RUBCNL: variants seen among roughly 807,000 people sequenced by gnomAD.
The protein encoded by RUBCNL is rubicon like autophagy enhancer, also known as protein associated with UVRAG as autophagy enhancer.
Under a neutral mutation model 69.5 loss-of-function variants are expected in RUBCNL, and 62 were observed. The ratio of observed to expected loss-of-function variants is 0.89; its 90% confidence interval spans 0.73 to 1.10. RUBCNL has a LOEUF of 1.10. Ranked by LOEUF, RUBCNL falls within the 50% of genes least tolerant of loss-of-function variation. RUBCNL has a pLI of 0.00. For missense variants in RUBCNL, 768 were observed against 798.1 expected, an observed-to-expected ratio of 0.96 and a Z score of 0.45; for synonymous variants, 291 against 303.6, an observed-to-expected ratio of 0.96 and a Z score of 0.43.
chr13:46,372,698 T>A, intron 2 of RUBCNL, 101 bp from the exon 3 acceptor site: 1 of 1,075,734 alleles, frequency 9.3e-7, no homozygotes, highest in Non-Finnish European at 1.3e-6. Context: ...TAGAAGTCTG[T>A]ACTTGGCTCT....
In RUBCNL at chr13:46,335,920, C is replaced by G. The variant is rs912763593; in HGVS notation, c.*7465G>C. Among the ~76,000 whole-genome samples, 1 of 152,152 alleles carries G rather than the reference C, an allele frequency of 6.6e-6. No individual in the cohort carries two copies. On this transcript the variant is annotated 3_prime_UTR_variant, in exon 15 of 15. Coordinates refer to ENST00000429979, the MANE Select transcript of RUBCNL (RefSeq NM_025113.5). ...CTGAAGCTACAAATTTAGAGTCATT[C>G]AAAGCTATTTCACTGGATAAGACCA...
chr13:46,352,019 G>T (rs184575982), intron 10 of RUBCNL, among the ~76,000 whole-genome samples: 1 of 151,756 alleles, frequency 6.6e-6, no homozygotes, highest in Non-Finnish European at 1.5e-5. Flanking sequence ...GTAGAGATGG[G>T]GTTTCACTAT....
In RUBCNL at chr13:46,337,900, C is replaced by T. The variant is rs1260750175; in HGVS notation, c.*5485G>A. Among the ~76,000 whole-genome samples, 2 of 152,206 alleles carry T rather than the reference C, an allele frequency of 1.3e-5. No individual in the cohort carries two copies. The highest frequency in any genetic ancestry group is 2.9e-5 in the Non-Finnish European group (2 of 68,036). Reference sequence around the variant, plus strand: ...TAGGGCCCTCAGGAATGTGGACCTTCAGGGGCTGCAGGAGCAAAGGGAGAA... The same window carrying T: ...TAGGGCCCTCAGGAATGTGGACCTTTAGGGGCTGCAGGAGCAAAGGGAGAA... On this transcript the variant is annotated 3_prime_UTR_variant, in exon 15 of 15. Coordinates refer to ENST00000429979, the MANE Select transcript of RUBCNL (RefSeq NM_025113.5).
intron 2 of RUBCNL, among the ~76,000 whole-genome samples, chr13:46,377,637 A>G (rs939600556): frequency 2.0e-5 from 3 of 152,226 alleles, no homozygotes; most frequent in Non-Finnish European, 4.4e-5. Context: ...CTTCCCATAC[A>G]TGGACTGACC....
chr13:46,388,715 C>T (rs796331233), upstream of RUBCNL, among the ~76,000 whole-genome samples: 32 of 152,310 alleles, frequency 2.1e-4, 1 homozygote, highest in African/African-American at 5.3e-4. Flanking sequence ...AACCAAATCC[C>T]GTTGCACTTT....
chr13:46,361,482 T>TA lies in RUBCNL; in HGVS notation c.1077dup (p.Asn360Ter). Reference sequence around the variant, plus strand: ...CTCAGGGAACCTGCCAGCTGAGAATTAACTACTGACAGTATCCAGCACTTC... The same window carrying TA: ...CTCAGGGAACCTGCCAGCTGAGAATTAAACTACTGACAGTATCCAGCACTTC... On this transcript the variant is annotated frameshift_variant, in exon 8 of 15. Transcript: ENST00000429979. LOFTEE classifies it high-confidence loss of function. 2 of 1,613,972 alleles carry TA rather than the reference T, an allele frequency of 1.2e-6. No homozygotes were observed. The highest frequency in any genetic ancestry group is 1.7e-6 in the Non-Finnish European group (2 of 1,179,854).
chr13:46,358,331 T>C (rs957466829), intron 9 of RUBCNL, among the ~76,000 whole-genome samples: 31 of 152,344 alleles, frequency 2.0e-4, no homozygotes, highest in African/African-American at 4.6e-4. Context: ...GCACACCAAA[T>C]TGAATACAAA....
intron 12 of RUBCNL, among the ~76,000 whole-genome samples, chr13:46,346,391 C>T (rs1245657364): frequency 6.6e-6 from 1 of 151,268 alleles, no homozygotes; most frequent in Non-Finnish European, 1.5e-5. Flanking sequence ...GGAATCCTTG[C>T]TTGCGGTCTA....
rs752458305 is a variant in RUBCNL at position 46,349,355 on chromosome 13, G to A, written c.1570-8C>T. The stretch of plus-strand genomic sequence containing the variant: ...GAGCTGCTCCTGAATTTCCTAATGG[G>A]AGAAACCAAACACGGGGAAAAGTTA... On this transcript the variant is annotated splice_region_variant and splice_polypyrimidine_tract_variant and intron_variant, in intron 11 of 14. Transcript: ENST00000429979. 1.2e-6 allele frequency: 2 copies of A among 1,613,024 alleles called. No individual in the cohort carries two copies. The highest frequency in any genetic ancestry group is 1.7e-6 in the Non-Finnish European group (2 of 1,179,140).
intron 10 of RUBCNL, among the ~76,000 whole-genome samples, chr13:46,354,479 C>T (rs993212724): frequency 6.6e-6 from 1 of 152,222 alleles, no homozygotes; most frequent in Non-Finnish European, 1.5e-5. Flanking sequence ...AGGAATTTAA[C>T]AGGAAAAGCC....
At chr13:46,386,529 G>A (rs2138866568) in intron 1 of RUBCNL, among the ~76,000 whole-genome samples, 1 of 150,344 alleles carries the variant, frequency 6.7e-6, no homozygotes. Context: ...ATCAGTCTCA[G>A]CAGGTGGACT....
At position 46,335,254 on chromosome 13, in the gene RUBCNL, G is replaced by GT. The variant is rs1232528360; in HGVS notation, c.*8130dup. Among the ~76,000 whole-genome samples the GT allele has an allele frequency of 4.4e-3, 475 of 107,100 alleles. 6 individuals are homozygous for GT. The highest frequency in any genetic ancestry group is 0.018 in the African/African-American group (460 of 26,228). 70.3% of individuals were successfully genotyped at this position (107,100 alleles called of 152,430 possible). On this transcript the variant is annotated 3_prime_UTR_variant, in exon 15 of 15. Coordinates refer to ENST00000429979, the MANE Select transcript of RUBCNL (RefSeq NM_025113.5). ...TAATTTGTGTCTTTTTGTTGTTGTTGTTGTTGTTTTTTTTTTTTTTTTTTT... is the reference window on the plus strand; with the variant it reads ...TAATTTGTGTCTTTTTGTTGTTGTTGTTTGTTGTTTTTTTTTTTTTTTTTTT...
chr13:46,372,611 G>C lies in RUBCNL; in HGVS notation c.-122-14C>G. ...TGGAGAGCTATTCTGCAATGAGCAAGGAATCATTCAAAATAAGTAAGAATT... is the reference window on the plus strand; with the variant it reads ...TGGAGAGCTATTCTGCAATGAGCAACGAATCATTCAAAATAAGTAAGAATT... On this transcript the variant is annotated splice_polypyrimidine_tract_variant and intron_variant, in intron 2 of 14. Transcript: ENST00000429979. The C allele has an allele frequency of 7.0e-7, 1 of 1,432,746 alleles. No homozygotes were observed. The highest frequency in any genetic ancestry group is 9.1e-7 in the Non-Finnish European group (1 of 1,096,450). 88.8% of individuals were successfully genotyped at this position (1,432,746 alleles called of 1,614,324 possible).
rs548743154 is a variant in RUBCNL at position 46,335,070 on chromosome 13, C to CT, written c.*8314dup. 2.9e-3 allele frequency among the ~76,000 whole-genome samples: 422 copies of CT among 143,980 alleles called. 2 individuals carry two copies. Among genetic ancestry groups the CT allele is most frequent in the African/African-American group, 5.7e-3 (224 of 39,388 alleles). 94.5% of individuals were successfully genotyped at this position (143,980 alleles called of 152,430 possible). A position where few individuals can be genotyped will look rare whatever the true frequency, so the allele number is the denominator to read the frequency against. On this transcript the variant is annotated 3_prime_UTR_variant, in exon 15 of 15. Coordinates refer to ENST00000429979, the MANE Select transcript of RUBCNL (RefSeq NM_025113.5). ...AACCTACTTGGGTAAAGAATTTGGA[C>CT]TTTTTTTTTTTTGAGATGGGGTCTC... is the stretch of plus-strand genomic sequence containing the variant.
intron 10 of RUBCNL, among the ~76,000 whole-genome samples, chr13:46,352,625 AGAAACC>A (rs1232121812): frequency 6.6e-6 from 1 of 152,198 alleles, no homozygotes; most frequent in African/African-American, 2.4e-5. Flanking sequence ...ACCAACACGG[AGAAACC>A]CCATCTCCAC....
rs906707993 is a variant in RUBCNL at position 46,340,820 on chromosome 13, C to T, written c.*2565G>A. Among the ~76,000 whole-genome samples, 1 of 152,134 alleles carries T rather than the reference C, an allele frequency of 6.6e-6. No homozygotes were observed. The highest frequency in any genetic ancestry group is 1.5e-5 in the Non-Finnish European group (1 of 68,020). ...CTCATGGGAACTAAGAGTGAGAACT[C>T]ACTCATCACCACAAAGGTGCCACCA... On this transcript the variant is annotated 3_prime_UTR_variant, in exon 15 of 15. Coordinates refer to ENST00000429979, the MANE Select transcript of RUBCNL (RefSeq NM_025113.5).
rs1404871347 is a variant in RUBCNL at position 46,345,551 on chromosome 13, G to A, written c.1681C>T (p.His561Tyr). The change falls in exon 13 of 15, where the codon CAC becomes TAC. Residue 561 changes from histidine to tyrosine, a missense_variant. Coordinates refer to ENST00000429979, the MANE Select transcript of RUBCNL (RefSeq NM_025113.5). ...QVPGHLTDEL[H>Y]LFSLEDLVRI... ...ACCAGGTCCTCAAGGGAGAACAGGT[G>A]GAGCTCATCAGTCAAGTGTCCCGGC... 2 of 1,613,518 alleles carry A rather than the reference G, an allele frequency of 1.2e-6. No homozygotes were observed. Among genetic ancestry groups the A allele is most frequent in the Non-Finnish European group, 8.5e-7 (1 of 1,179,728 alleles).
chr13:46,378,022 A>C lies in RUBCNL; in HGVS notation c.-238-17T>G. The C allele has an allele frequency of 7.3e-7, 1 of 1,373,558 alleles. No individual in the cohort carries two copies. Among genetic ancestry groups the C allele is most frequent in the East Asian group, 2.5e-5 (1 of 40,048 alleles). The allele number at this position is 1,373,558 out of a possible 1,614,324, so 85.1% of individuals were successfully genotyped here. On this transcript the variant is annotated splice_polypyrimidine_tract_variant and intron_variant, in intron 1 of 14. Transcript: ENST00000429979. ...TTATTTTATCTGTAAGGCAAAAAAC[A>C]ATTTGCCAGATGCTATGATACCACT...
chr13:46,377,454 G>A (rs1177909056), intron 2 of RUBCNL, among the ~76,000 whole-genome samples: 4 of 152,192 alleles, frequency 2.6e-5, no homozygotes, highest in African/African-American at 9.7e-5. Flanking sequence ...AGTAGAGATG[G>A]GGTTTCACCA....
Sources: gnomAD v4.1 joint callset for allele counts (sites outside exome capture counted in the v4.1 genomes callset) on GRCh38, gnomAD v4.1.1 for gene constraint, MANE v1.5 for transcripts, NCBI Gene and HGNC (gene_info 2026-07-23, HGNC 2026-07-21) for gene names.